MRPL14: variants seen among roughly 807,000 people sequenced by gnomAD.
The protein encoded by MRPL14 is large ribosomal subunit protein uL14m.
A neutral mutation model predicts 10.9 loss-of-function variants in MRPL14; 8 were observed. The observed-to-expected ratio is 0.74, with a 90% CI of 0.43 to 1.33. The LOEUF is 1.33. Ranked by LOEUF, MRPL14 falls within the 40% of genes most tolerant of loss-of-function variation. The probability of loss-of-function intolerance (pLI) is 0.01; values close to 1 mark genes in which losing one functional copy is unlikely to be tolerated. For synonymous variants in MRPL14, 82 were observed against 74.1 expected (o/e 1.11, Z -0.54); for missense variants, 179 against 194.5 (o/e 0.92, Z 0.47).
intron 2 of MRPL14, among the ~76,000 whole-genome samples, chr6:44,115,061 T>G (rs1339392119): frequency 2.0e-5 from 3 of 152,164 alleles, no homozygotes; most frequent in Admixed American, 2.0e-4. Flanking sequence ...AAAAAAAATT[T>G]TAGAGAGTAC....
At chr6:44,116,856 A>C (rs1775900817) in intron 1 of MRPL14, among the ~76,000 whole-genome samples, 1 of 152,178 alleles carries the variant, frequency 6.6e-6, no homozygotes, top group South Asian at 2.1e-4. Flanking sequence ...ATGGCCCACA[A>C]CAGCTTCTGC....
chr6:44,118,882 T>G (rs1323518472), intron 1 of MRPL14, among the ~76,000 whole-genome samples: 1 of 152,166 alleles, frequency 6.6e-6, no homozygotes, highest in Non-Finnish European at 1.5e-5. Flanking sequence ...GAGAATCGCT[T>G]GAATCCAGGA....
At chr6:44,122,714 GAA>G (rs1344067697) in intron 1 of MRPL14, among the ~76,000 whole-genome samples, 3 of 92,454 alleles carry the variant, frequency 3.2e-5, no homozygotes, top group Non-Finnish European at 5.9e-5. Flanking sequence ...TAACGGACGG[GAA>G]AAGAGACTGA....
At chr6:44,114,860 C>G (rs1311713180) in intron 2 of MRPL14, among the ~76,000 whole-genome samples, 3 of 152,192 alleles carry the variant, frequency 2.0e-5, no homozygotes, top group Non-Finnish European at 4.4e-5. Flanking sequence ...CCGCCCGCCT[C>G]GGCCTCCCAA....
In MRPL14 at chr6:44,121,649, C is replaced by A. The variant is rs548723517; in HGVS notation, c.-18-5020G>T. On this transcript the variant is annotated intron_variant, in intron 1 of 2. Coordinates refer to ENST00000372014, the MANE Select transcript of MRPL14 (RefSeq NM_032111.4). ...GTGACTCTCTGTTAGGTGGACAGAA[C>A]TGATTTATGACTGGGCATAGTGGCT... Among the ~76,000 whole-genome samples, 4 of 152,354 alleles carry A rather than the reference C, an allele frequency of 2.6e-5. No homozygotes were observed. In the East Asian group the frequency reaches 7.7e-4, roughly 29 times the overall value.
At position 44,113,942 on chromosome 6, in the gene MRPL14, G is replaced by A; in HGVS notation, c.339C>T (p.Asn113=). Residue 113 remains asparagine, a synonymous_variant, in exon 3 of 3, where the codon AAC becomes AAT. Transcript: ENST00000372014. ...GTGTCTTAATTCGTGTCCCCACAGG[G>A]TTCCCGTTGTCCTCAATGAGGACCA... ...NNVVLIEDNG[N]PVGTRIKTPI... The A allele has an allele frequency of 6.2e-7, 1 of 1,613,592 alleles. No individual in the cohort carries two copies. The highest frequency in any genetic ancestry group is 8.5e-7 in the Non-Finnish European group (1 of 1,179,514).
chr6:44,122,048 T>C (rs576849673), intron 1 of MRPL14, among the ~76,000 whole-genome samples: 7 of 151,910 alleles, frequency 4.6e-5, no homozygotes, highest in African/African-American at 1.7e-4. Flanking sequence ...TCCCAGTGAC[T>C]TGGGAGAGCC....
intron 2 of MRPL14, among the ~76,000 whole-genome samples, chr6:44,114,631 C>A (rs961828280): frequency 6.6e-6 from 1 of 151,964 alleles, no homozygotes; most frequent in Non-Finnish European, 1.5e-5. Context: ...TTTTTTGAGA[C>A]GGAGTCTCGC....
At chr6:44,124,915 A>G (rs998571384) in intron 1 of MRPL14, among the ~76,000 whole-genome samples, 1 of 152,222 alleles carries the variant, frequency 6.6e-6, no homozygotes, top group South Asian at 2.1e-4. Context: ...GTAACCTGAC[A>G]GTAGGAAAAT....
In MRPL14 at chr6:44,119,291, G is replaced by T. The variant is rs1776179442; in HGVS notation, c.-18-2662C>A. The stretch of plus-strand genomic sequence containing the variant: ...TAATCCCAGCACTTTGGGAGGCCAA[G>T]GCAGGCGGATCACTTGAGGCCAAGG... On this transcript the variant is annotated intron_variant, in intron 1 of 2. Coordinates refer to ENST00000372014, the MANE Select transcript of MRPL14 (RefSeq NM_032111.4). Among the ~76,000 whole-genome samples the T allele has an allele frequency of 2.6e-5, 4 of 152,186 alleles. No homozygotes were observed. The South Asian group carries it at 8.3e-4, about 32-fold the overall frequency.
chr6:44,125,743 T>C (rs1776943570), intron 1 of MRPL14, among the ~76,000 whole-genome samples: 1 of 151,646 alleles, frequency 6.6e-6, no homozygotes, highest in Admixed American at 6.6e-5. Flanking sequence ...CTTCCATTTT[T>C]CAGATATCCA....
At chr6:44,122,085 C>G (rs7739317) in intron 1 of MRPL14, among the ~76,000 whole-genome samples, 23 of 148,880 alleles carry the variant, frequency 1.5e-4, no homozygotes, top group South Asian at 6.4e-4. Context: ...CTCTTCCCCC[C>G]CCTCTTTTTT....
chr6:44,118,741 G>C (rs12525717), intron 1 of MRPL14, among the ~76,000 whole-genome samples: 1 of 152,220 alleles, frequency 6.6e-6, no homozygotes, highest in African/African-American at 2.4e-5. Context: ...GAGGTGGGCA[G>C]ATCACCTGAG....
chr6:44,120,519 T>G (rs1467394925), intron 1 of MRPL14, among the ~76,000 whole-genome samples: 1 of 152,192 alleles, frequency 6.6e-6, no homozygotes, highest in Non-Finnish European at 1.5e-5. Context: ...CACTAGCTTT[T>G]TAGTGGATCT....
intron 1 of MRPL14, among the ~76,000 whole-genome samples, chr6:44,118,686 C>G (rs370740675): frequency 6.6e-6 from 1 of 152,276 alleles, no homozygotes; most frequent in Admixed American, 6.5e-5. Flanking sequence ...ACCTCATGGC[C>G]GGGCACGGTG....
At chr6:44,118,959 C>T (rs942428087) in intron 1 of MRPL14, among the ~76,000 whole-genome samples, 7 of 151,538 alleles carry the variant, frequency 4.6e-5, no homozygotes, top group South Asian at 2.1e-4. Context: ...GGCAAAACTC[C>T]GTCTCAAAAA....
chr6:44,117,840 G>GTTTTTTTTTTT (rs56204643), intron 1 of MRPL14, among the ~76,000 whole-genome samples: 1 of 75,364 alleles, frequency 1.3e-5, no homozygotes, highest in Non-Finnish European at 2.4e-5. Context: ...AATTTTTTGT[G>GTTTTTTTTTTT]TTTTTTTTTT....
chr6:44,121,724 G>A (rs1285057418), intron 1 of MRPL14, among the ~76,000 whole-genome samples: 1 of 152,218 alleles, frequency 6.6e-6, no homozygotes, highest in East Asian at 1.9e-4. Context: ...CGGATCCCCT[G>A]AGGTCAGGAG....
At position 44,114,131 on chromosome 6, in the gene MRPL14, T is replaced by G; in HGVS notation, c.150A>C (p.Pro50=). 1 of 1,614,180 alleles carries G rather than the reference T, an allele frequency of 6.2e-7. No homozygotes were observed. Among genetic ancestry groups the G allele is most frequent in the Non-Finnish European group, 8.5e-7 (1 of 1,180,036 alleles). The change falls in exon 3 of 3, where the codon CCA becomes CCC. Residue 50 remains proline, a synonymous_variant. Transcript: ENST00000372014. ...GGATGCAGCGAGGAGCCCGATGGTATGGGCTGTTCCCCAGGGCACTGTTGT... is the reference window on the plus strand; with the variant it reads ...GGATGCAGCGAGGAGCCCGATGGTAGGGGCTGTTCCCCAGGGCACTGTTGT... ...VVDNSALGNS[P]YHRAPRCIHV... is the part of the protein sequence containing the mutation.
Sources: gnomAD v4.1 joint callset for allele counts (sites outside exome capture counted in the v4.1 genomes callset) on GRCh38, gnomAD v4.1.1 for gene constraint, MANE v1.5 for transcripts, NCBI Gene and HGNC (gene_info 2026-07-23, HGNC 2026-07-21) for gene names.